RPS6KC1: variants seen among roughly 807,000 people sequenced by gnomAD.
RPS6KC1 encodes the protein ribosomal protein S6 kinase C1, also known as inactive ribosomal protein S6 kinase delta-1.
RPS6KC1 carries 54 observed loss-of-function variants against 103.8 expected under a neutral mutation model. That is an observed-to-expected ratio of 0.52 (90% confidence interval 0.42 to 0.65). RPS6KC1 has a LOEUF of 0.65. Among genes scored for constraint, RPS6KC1 ranks in the 30% least tolerant of loss-of-function variants. The pLI, the probability that RPS6KC1 is intolerant of heterozygous loss-of-function variation, is 0.00. For synonymous variants in RPS6KC1, 439 were observed against 438.7 expected, an observed-to-expected ratio of 1.00 and a Z score of -0.01; for missense variants, 1,151 against 1,253.8, an observed-to-expected ratio of 0.92 and a Z score of 1.24.
the RPS6KC1 span, among the ~76,000 whole-genome samples, chr1:213,605,170 A>G: frequency 6.6e-6 from 1 of 151,920 alleles, no homozygotes; most frequent in Non-Finnish European, 1.5e-5. Context: ...CCTGAAAGTT[A>G]CTCTGATTAT....
chr1:213,602,056 C>CTTTCTCTT, the RPS6KC1 span, among the ~76,000 whole-genome samples: 2 of 56,388 alleles, frequency 3.5e-5, no homozygotes. Context: ...TTCTTTCTTT[C>CTTTCTCTT]TCTTTCTTTC....
At chr1:213,610,552 G>A in the RPS6KC1 span, among the ~76,000 whole-genome samples, 1 of 152,154 alleles carries the variant, frequency 6.6e-6, no homozygotes, top group Non-Finnish European at 1.5e-5. Flanking sequence ...CTGACCCCTG[G>A]CCATCTTAGG....
the RPS6KC1 span, among the ~76,000 whole-genome samples, chr1:213,778,826 T>G: frequency 6.6e-6 from 1 of 152,064 alleles, no homozygotes; most frequent in Non-Finnish European, 1.5e-5. Flanking sequence ...TGCTCAGGAT[T>G]AGATTTGGTC....
At chr1:213,367,150 T>TG in the RPS6KC1 span, among the ~76,000 whole-genome samples, 1 of 152,230 alleles carries the variant, frequency 6.6e-6, no homozygotes, top group East Asian at 1.9e-4. Flanking sequence ...CAATATTTCA[T>TG]GCATGTTCTA....
the RPS6KC1 span, among the ~76,000 whole-genome samples, chr1:213,567,773 T>G: frequency 4.6e-5 from 7 of 152,198 alleles, no homozygotes; most frequent in Non-Finnish European, 1.0e-4. Flanking sequence ...CAGCTAGTAA[T>G]TGTAATGGAG....
At chr1:213,848,299 C>A in the RPS6KC1 span, among the ~76,000 whole-genome samples, 4 of 152,106 alleles carry the variant, frequency 2.6e-5, no homozygotes, top group Admixed American at 1.3e-4. Context: ...ATTCATTCCT[C>A]CCTTTATTCC....
intron 5 of RPS6KC1, among the ~76,000 whole-genome samples, chr1:213,119,738 T>C (rs1303414573): frequency 6.6e-6 from 1 of 152,044 alleles, no homozygotes. Flanking sequence ...TGTTCTTTGC[T>C]GTAGTCTAGG....
the RPS6KC1 span, among the ~76,000 whole-genome samples, chr1:213,452,414 C>T: frequency 6.6e-6 from 1 of 151,538 alleles, no homozygotes; most frequent in Non-Finnish European, 1.5e-5. Context: ...TGTGACTTGG[C>T]ATCCACGGGT....
the RPS6KC1 span, among the ~76,000 whole-genome samples, chr1:213,811,599 C>T: frequency 6.6e-6 from 1 of 152,130 alleles, no homozygotes; most frequent in Non-Finnish European, 1.5e-5. Context: ...TCCAGGAGGA[C>T]TCATGAAGGA....
chr1:213,787,668 G>GC, the RPS6KC1 span, among the ~76,000 whole-genome samples: 2 of 133,940 alleles, frequency 1.5e-5, no homozygotes, highest in African/African-American at 8.2e-5. Flanking sequence ...GGGATTTATT[G>GC]GGGGGAGGGA....
At chr1:213,775,841 A>C in the RPS6KC1 span, among the ~76,000 whole-genome samples, 1 of 152,226 alleles carries the variant, frequency 6.6e-6, no homozygotes, top group South Asian at 2.1e-4. Context: ...CATCTCTCTC[A>C]AACCTTGCTG....
At chr1:213,827,222 C>A in the RPS6KC1 span, among the ~76,000 whole-genome samples, 1 of 152,208 alleles carries the variant, frequency 6.6e-6, no homozygotes, top group Non-Finnish European at 1.5e-5. Flanking sequence ...TGAAGCTTCA[C>A]AGCTAAGGCT....
At chr1:213,691,142 C>T in the RPS6KC1 span, among the ~76,000 whole-genome samples, 11 of 152,258 alleles carry the variant, frequency 7.2e-5, no homozygotes, top group Admixed American at 3.3e-4. Context: ...CAGCTTGTCC[C>T]GTGGAAGCCT....
intron 3 of RPS6KC1, among the ~76,000 whole-genome samples, chr1:213,101,594 TC>T (rs2082024671): frequency 6.6e-6 from 1 of 152,152 alleles, no homozygotes; most frequent in South Asian, 2.1e-4. Flanking sequence ...AGAAATAAGA[TC>T]TTTTTAGGGT....
chr1:213,617,621 G>C, the RPS6KC1 span, among the ~76,000 whole-genome samples: 1 of 152,158 alleles, frequency 6.6e-6, no homozygotes, highest in South Asian at 2.1e-4. Context: ...ATTTTTAAGG[G>C]GAATGTTGAG....
the RPS6KC1 span, among the ~76,000 whole-genome samples, chr1:213,801,959 T>G: frequency 6.6e-6 from 1 of 152,224 alleles, no homozygotes; most frequent in Non-Finnish European, 1.5e-5. Flanking sequence ...CCCAGTAGAT[T>G]ACTTATCCCG....
At chr1:213,632,845 G>C in the RPS6KC1 span, among the ~76,000 whole-genome samples, 1 of 152,174 alleles carries the variant, frequency 6.6e-6, no homozygotes, top group Admixed American at 6.5e-5. Flanking sequence ...GTGTAGAGAA[G>C]ACCTTAAATG....
the RPS6KC1 span, among the ~76,000 whole-genome samples, chr1:213,859,940 T>C: frequency 6.6e-6 from 1 of 151,964 alleles, no homozygotes; most frequent in Non-Finnish European, 1.5e-5. Context: ...CCCATCTTTT[T>C]GGAAGTAGAG....
the RPS6KC1 span, among the ~76,000 whole-genome samples, chr1:213,465,290 C>T: frequency 1.3e-5 from 2 of 152,174 alleles, no homozygotes; most frequent in Non-Finnish European, 2.9e-5. Flanking sequence ...GGAACCTGAA[C>T]TTTAACAGGG....
Sources: allele counts gnomAD v4.1 joint callset (sites outside exome capture counted in the v4.1 genomes callset), GRCh38; gene constraint gnomAD v4.1.1; transcripts MANE v1.5; gene names NCBI Gene and HGNC (gene_info 2026-07-23, HGNC 2026-07-21).